DLG1: variants seen among roughly 807,000 people sequenced by gnomAD.
DLG1 encodes disks large homolog 1.
A neutral mutation model predicts 123.4 loss-of-function variants in DLG1; 42 were observed. The ratio of observed to expected loss-of-function variants is 0.34; its 90% CI spans 0.27 to 0.44. The LOEUF is 0.44. Among genes scored for constraint, DLG1 ranks in the 20% least tolerant of loss-of-function variants. The pLI is 1.00. For missense variants in DLG1, 942 were observed against 1,082.6 expected, an observed-to-expected ratio of 0.87 and a Z score of 1.82; for synonymous variants, 317 against 356.2, an observed-to-expected ratio of 0.89 and a Z score of 1.24.
chr3:197,131,328 A>G (rs1334551502), intron 10 of DLG1, among the ~76,000 whole-genome samples: 1 of 152,178 alleles, frequency 6.6e-6, no homozygotes, highest in African/African-American at 2.4e-5. Flanking sequence ...AATTTAAAAA[A>G]TCTGTAAAAT....
intron 3 of DLG1, among the ~76,000 whole-genome samples, chr3:197,289,000 T>C (rs372714869): frequency 4.6e-5 from 7 of 152,306 alleles, no homozygotes; most frequent in Non-Finnish European, 1.0e-4. Flanking sequence ...TGAGTTTTCA[T>C]GTGCCTCTCA....
Position 197,216,681 on chromosome 3 carries a change from T to C in DLG1, c.319-22092A>G, listed in dbSNP as rs148540337. Among the ~76,000 whole-genome samples the C allele has an allele frequency of 3.3e-5, 5 of 152,254 alleles. No individual in the cohort carries two copies. In the East Asian group the frequency reaches 7.7e-4, roughly 23 times the overall value. On this transcript the variant is annotated intron_variant, in intron 4 of 24. Transcript: ENST00000667157. Reference sequence around the variant, plus strand: ...CCCAGAAGGAGGTATTCGGCAGAAATAGTATTTTGTATAAACAGTTTAGGC... The same window carrying C: ...CCCAGAAGGAGGTATTCGGCAGAAACAGTATTTTGTATAAACAGTTTAGGC...
chr3:197,057,719 C>T (rs1160568475), intron 23 of DLG1, among the ~76,000 whole-genome samples: 1 of 152,140 alleles, frequency 6.6e-6, no homozygotes, highest in Non-Finnish European at 1.5e-5. Context: ...TGTCCAAGCC[C>T]TTTGTCCCTT....
chr3:197,258,884 A>C (rs755780628), intron 4 of DLG1, among the ~76,000 whole-genome samples: 8 of 152,172 alleles, frequency 5.3e-5, no homozygotes, highest in Non-Finnish European at 1.0e-4. Flanking sequence ...TCTAATTTCC[A>C]ACCTACATCC....
intron 5 of DLG1, among the ~76,000 whole-genome samples, chr3:197,177,149 C>T (rs182075800): frequency 6.6e-6 from 1 of 152,130 alleles, no homozygotes; most frequent in African/African-American, 2.4e-5. Context: ...CAATTGATTT[C>T]CAAGTCTGAG....
intron 5 of DLG1, among the ~76,000 whole-genome samples, chr3:197,181,724 TA>T (rs1712120908): frequency 6.6e-6 from 1 of 152,000 alleles, no homozygotes; most frequent in African/African-American, 2.4e-5. Flanking sequence ...AAACAGAAGC[TA>T]AAACCTCTAC....
At chr3:197,173,604 T>C (rs570798469) in intron 5 of DLG1, among the ~76,000 whole-genome samples, 1 of 152,178 alleles carries the variant, frequency 6.6e-6, no homozygotes, top group Non-Finnish European at 1.5e-5. Context: ...TACATTTTAC[T>C]GCAAAGACAA....
At chr3:197,219,564 C>T (rs1735865528) in intron 4 of DLG1, among the ~76,000 whole-genome samples, 1 of 152,188 alleles carries the variant, frequency 6.6e-6, no homozygotes, top group African/African-American at 2.4e-5. Flanking sequence ...CCCCGCCCTC[C>T]CCACCAAAAT....
intron 3 of DLG1, 126 bp from the exon 4 acceptor site, chr3:197,282,971 A>G: frequency 1.8e-6 from 1 of 546,682 alleles, no homozygotes; most frequent in Non-Finnish European, 3.2e-6. Context: ...CCATCGTATA[A>G]TGTACTTAAA....
intron 24 of DLG1, among the ~76,000 whole-genome samples, chr3:197,050,346 G>A (rs1357801899): frequency 5.4e-5 from 8 of 149,390 alleles, no homozygotes; most frequent in African/African-American, 7.4e-5. Flanking sequence ...CAGCCTGGGC[G>A]ACAGAGCCAG....
intron 3 of DLG1, among the ~76,000 whole-genome samples, chr3:197,283,613 C>G (rs1027384865): frequency 6.6e-6 from 1 of 152,124 alleles, no homozygotes; most frequent in Non-Finnish European, 1.5e-5. Context: ...TATTCCGAAG[C>G]TGTAAGTAGC....
chr3:197,194,298 T>A lies in DLG1; in HGVS notation c.483+127A>T, dbSNP rs935692060. ...AGCACCTTGAAATTCTCCATAACTA[T>A]GAAACTAAAATGGGGGGGTGGGGTA... On this transcript the variant is annotated intron_variant, in intron 5 of 24. Transcript: ENST00000667157. 16 of 480,170 alleles carry A rather than the reference T, an allele frequency of 3.3e-5. No individual in the cohort carries two copies. In the South Asian group the frequency reaches 8.9e-4, roughly 27 times the overall value. 29.7% of individuals were successfully genotyped at this position (480,170 alleles called of 1,614,324 possible). A position where few individuals can be genotyped will look rare whatever the true frequency, so the allele number is the denominator to read the frequency against.
At chr3:197,272,077 C>T (rs1432817011) in intron 4 of DLG1, among the ~76,000 whole-genome samples, 2 of 152,244 alleles carry the variant, frequency 1.3e-5, no homozygotes, top group African/African-American at 4.8e-5. Context: ...CCAGCTAACA[C>T]ATCACAGTAA....
intron 5 of DLG1, chr3:197,184,187 C>A: frequency 1.1e-6 from 1 of 899,950 alleles, no homozygotes; most frequent in South Asian, 4.0e-5. Context: ...AAGAAGGATG[C>A]TATAAACACT....
intron 12 of DLG1, among the ~76,000 whole-genome samples, chr3:197,118,370 C>T (rs1049608122): frequency 6.6e-6 from 1 of 152,126 alleles, no homozygotes; most frequent in African/African-American, 2.4e-5. Flanking sequence ...ATTCCCATCA[C>T]AAACAAATAA....
chr3:197,133,917 A>G (rs1231056650), intron 10 of DLG1, among the ~76,000 whole-genome samples: 1 of 152,256 alleles, frequency 6.6e-6, no homozygotes, highest in Non-Finnish European at 1.5e-5. Flanking sequence ...TTCCAGTGTA[A>G]TTAAGAGAAC....
intron 4 of DLG1, among the ~76,000 whole-genome samples, chr3:197,247,447 T>C (rs383443): frequency 0.14 from 20,774 of 152,066 alleles, 1,773 homozygotes; most frequent in South Asian, 0.35. Context: ...TCAGAGGAGC[T>C]GGTTTCTGGC....
intron 11 of DLG1, among the ~76,000 whole-genome samples, chr3:197,125,074 C>T (rs141873431): frequency 9.9e-5 from 15 of 152,012 alleles, no homozygotes; most frequent in African/African-American, 3.4e-4. Flanking sequence ...AAGTGAAAGT[C>T]GAGTTTCGGG....
chr3:197,102,836 C>T (rs1341603949), intron 14 of DLG1, among the ~76,000 whole-genome samples: 1 of 152,152 alleles, frequency 6.6e-6, no homozygotes, highest in African/African-American at 2.4e-5. Context: ...CCAGCCTGGG[C>T]AAGAGAGTGA....
Sources: gnomAD v4.1 joint callset for allele counts (sites outside exome capture counted in the v4.1 genomes callset) on GRCh38, gnomAD v4.1.1 for gene constraint, MANE v1.5 for transcripts, NCBI Gene and HGNC (gene_info 2026-07-23, HGNC 2026-07-21) for gene names.